The following POU2F1 variants were observed in gnomAD, a reference collection of about 807,000 sequenced individuals.
POU2F1 encodes the protein POU class 2 homeobox 1.
Under a neutral mutation model 84.9 loss-of-function variants are expected in POU2F1, and 16 were observed. The observed-to-expected ratio is 0.19, with a 90% confidence interval of 0.13 to 0.29. The LOEUF is 0.29. POU2F1 is among the 10% of genes least tolerant of loss of function. The pLI, the probability that POU2F1 is intolerant of heterozygous loss-of-function variation, is 1.00. For synonymous variants in POU2F1, 368 were observed against 368.3 expected (o/e 1.00, Z 0.01); for missense variants, 738 against 942.6 (o/e 0.78, Z 2.84).
At chr1:167,253,132 A>G (rs1650850899) in intron 1 of POU2F1, among the ~76,000 whole-genome samples, 1 of 152,250 alleles carries the variant, frequency 6.6e-6, no homozygotes, top group South Asian at 2.1e-4. Flanking sequence ...TGAAACTTGG[A>G]TAAACCTAAT....
At chr1:167,383,749 C>A in intron 7 of POU2F1, 108 bp from the exon 8 acceptor site, 1 of 893,184 alleles carries the variant, frequency 1.1e-6, no homozygotes, top group Non-Finnish European at 1.8e-6. Flanking sequence ...AGTAAGACTA[C>A]CAGAGATCAA....
In POU2F1 at chr1:167,416,394, G is replaced by T. The variant is rs990038668; in HGVS notation, c.*584G>T. On this transcript the variant is annotated 3_prime_UTR_variant, in exon 16 of 16. Transcript: ENST00000367866. The stretch of plus-strand genomic sequence containing the variant: ...GTATTACTGTATTATTATTGTTGTT[G>T]TTGTTATTGTTTTATATATATAGTT... The T allele has an allele frequency of 4.9e-5, 9 of 183,688 alleles. No individual in the cohort carries two copies. Among genetic ancestry groups the T allele is most frequent in the Non-Finnish European group, 1.0e-4 (9 of 88,414 alleles). 11.4% of individuals were successfully genotyped at this position (183,688 alleles called of 1,614,324 possible). A position where few individuals can be genotyped will look rare whatever the true frequency, so the allele number is the denominator to read the frequency against.
intron 13 of POU2F1, among the ~76,000 whole-genome samples, chr1:167,409,997 A>G (rs1215364994): frequency 1.3e-5 from 2 of 152,288 alleles, no homozygotes; most frequent in Middle Eastern, 6.8e-3. Flanking sequence ...GAAAAAGGGT[A>G]TATGAATCTG....
intron 1 of POU2F1, among the ~76,000 whole-genome samples, chr1:167,303,186 TG>T (rs1489406488): frequency 6.6e-6 from 1 of 152,120 alleles, no homozygotes; most frequent in Non-Finnish European, 1.5e-5. Flanking sequence ...AAAAAAAACC[TG>T]AGTAGGCTGT....
At chr1:167,401,692 A>G in intron 13 of POU2F1, 136 bp downstream of exon 13, 1 of 502,718 alleles carries the variant, frequency 2.0e-6, no homozygotes, top group Non-Finnish European at 3.3e-6. Flanking sequence ...AATTTTCTTT[A>G]AAGTAACTCC....
At chr1:167,384,007 T>C (rs1173213376) in intron 8 of POU2F1, 56 bp downstream of exon 8, 2 of 1,384,822 alleles carry the variant, frequency 1.4e-6, no homozygotes, top group Admixed American at 2.6e-5. Flanking sequence ...GGGGAGACTT[T>C]TGGACTTTAT....
intron 1 of POU2F1, among the ~76,000 whole-genome samples, chr1:167,318,233 T>C (rs986881395): frequency 6.6e-6 from 1 of 152,228 alleles, no homozygotes; most frequent in Non-Finnish European, 1.5e-5. Context: ...TCCTTATGTT[T>C]AGCTCCTACA....
chr1:167,358,184 A>G (rs1488365345), intron 2 of POU2F1, among the ~76,000 whole-genome samples: 2 of 133,804 alleles, frequency 1.5e-5, no homozygotes, highest in African/African-American at 2.9e-5. Context: ...GCAGGAGTGC[A>G]GTGGCGCGAT....
At chr1:167,392,934 CA>C (rs1425858273) in intron 9 of POU2F1, among the ~76,000 whole-genome samples, 2 of 151,892 alleles carry the variant, frequency 1.3e-5, no homozygotes, top group South Asian at 2.1e-4. Flanking sequence ...TTTGCTGAAA[CA>C]AAAAAAGCTC....
chr1:167,324,442 T>C (rs1409112009), intron 1 of POU2F1, among the ~76,000 whole-genome samples: 6 of 142,078 alleles, frequency 4.2e-5, no homozygotes, highest in Admixed American at 2.1e-4. Flanking sequence ...TTATCCAAAC[T>C]CAAAAGGCTT....
At chr1:167,311,514 A>G (rs895199556) in intron 1 of POU2F1, among the ~76,000 whole-genome samples, 2 of 152,204 alleles carry the variant, frequency 1.3e-5, no homozygotes, top group Admixed American at 1.3e-4. Context: ...CCATATAACA[A>G]TGTTTCAGTC....
intron 1 of POU2F1, among the ~76,000 whole-genome samples, chr1:167,278,773 T>A (rs1652915964): frequency 1.3e-5 from 2 of 152,172 alleles, no homozygotes. Flanking sequence ...TTGCAAACTT[T>A]AATTGGCTAT....
At chr1:167,324,414 A>G (rs371172280) in intron 1 of POU2F1, among the ~76,000 whole-genome samples, 20 of 147,414 alleles carry the variant, frequency 1.4e-4, no homozygotes, top group African/African-American at 4.3e-4. Flanking sequence ...TGAAAAACGT[A>G]AAAATCTTTT....
At chr1:167,234,952 A>T (rs1649341603) in intron 1 of POU2F1, among the ~76,000 whole-genome samples, 1 of 152,248 alleles carries the variant, frequency 6.6e-6, no homozygotes, top group African/African-American at 2.4e-5. Context: ...CAAATTATGC[A>T]AAAAGGTGGA....
intron 3 of POU2F1, among the ~76,000 whole-genome samples, chr1:167,368,157 T>G (rs566036798): frequency 6.6e-6 from 1 of 152,346 alleles, no homozygotes; most frequent in Non-Finnish European, 1.5e-5. Context: ...CTGTTAAGTC[T>G]TCTTCAATCC....
At chr1:167,314,457 T>C (rs989017234) in intron 1 of POU2F1, among the ~76,000 whole-genome samples, 9 of 152,234 alleles carry the variant, frequency 5.9e-5, no homozygotes, top group Middle Eastern at 3.4e-3. Flanking sequence ...TTACAGGTAT[T>C]CTGAAAAATA....
At chr1:167,384,667 A>T (rs1020883930) in intron 8 of POU2F1, among the ~76,000 whole-genome samples, 15 of 151,950 alleles carry the variant, frequency 9.9e-5, no homozygotes, top group African/African-American at 3.4e-4. Flanking sequence ...AACTCTTGCA[A>T]ACTAGATATA....
intron 1 of POU2F1, among the ~76,000 whole-genome samples, chr1:167,304,148 C>T (rs537031908): frequency 6.6e-6 from 1 of 152,214 alleles, no homozygotes; most frequent in Admixed American, 6.5e-5. Flanking sequence ...TTTTTAAGTA[C>T]TTTAAATATA....
chr1:167,221,320 G>C (rs1648137140), intron 1 of POU2F1, among the ~76,000 whole-genome samples: 2 of 151,082 alleles, frequency 1.3e-5, no homozygotes, highest in Admixed American at 6.6e-5. Context: ...GTCCGCGGCG[G>C]GGCGGCGGGG....
Sources: allele counts gnomAD v4.1 joint callset (sites outside exome capture counted in the v4.1 genomes callset), GRCh38; gene constraint gnomAD v4.1.1; transcripts MANE v1.5; gene names NCBI Gene and HGNC (gene_info 2026-07-23, HGNC 2026-07-21).